Variants in PIK3C2A observed in about 807,000 individuals in gnomAD.
PIK3C2A encodes phosphatidylinositol 4-phosphate 3-kinase C2 domain-containing subunit alpha.
PIK3C2A carries 97 observed loss-of-function variants against 204.5 expected under a neutral mutation model. That is an observed-to-expected ratio of 0.47 (90% CI 0.40 to 0.56). The LOEUF (loss-of-function observed/expected upper bound fraction) is 0.56. Among genes scored for constraint, PIK3C2A ranks in the 20% least tolerant of loss-of-function variants. The probability of loss-of-function intolerance (pLI) is 0.00; values close to 1 mark genes in which losing one functional copy is unlikely to be tolerated. For synonymous variants in PIK3C2A, 653 were observed against 664.4 expected, an observed-to-expected ratio of 0.98 and a Z score of 0.26; for missense variants, 1,735 against 1,969.2, an observed-to-expected ratio of 0.88 and a Z score of 2.25.
At chr11:17,139,053 G>A (rs1476878829) in intron 8 of PIK3C2A, among the ~76,000 whole-genome samples, 1 of 151,164 alleles carries the variant, frequency 6.6e-6, no homozygotes, top group African/African-American at 2.4e-5. Flanking sequence ...GATTACAGGT[G>A]CCTGCCACCA....
At chr11:17,183,004 T>C (rs1284952001) in intron 1 of PIK3C2A, among the ~76,000 whole-genome samples, 4 of 152,162 alleles carry the variant, frequency 2.6e-5, no homozygotes, top group Admixed American at 6.6e-5. Flanking sequence ...TATACCTGGC[T>C]AAGTTTTGTA....
At chr11:17,190,324 T>A (rs996820880) in intron 1 of PIK3C2A, among the ~76,000 whole-genome samples, 9 of 151,868 alleles carry the variant, frequency 5.9e-5, no homozygotes, top group African/African-American at 2.2e-4. Flanking sequence ...ACACCTGTAA[T>A]CCCAGAACTC....
intron 6 of PIK3C2A, among the ~76,000 whole-genome samples, chr11:17,146,404 G>A (rs75572340): frequency 0.017 from 2,583 of 152,096 alleles, 31 homozygotes; most frequent in Non-Finnish European, 0.029. Flanking sequence ...TCTACATTAC[G>A]CAAATGTAGT....
intron 8 of PIK3C2A, chr11:17,138,277 C>CTA (rs1849940484): frequency 6.8e-6 from 5 of 731,958 alleles, no homozygotes; most frequent in Admixed American, 3.9e-5. Flanking sequence ...CTAGGAAAGC[C>CTA]TATGAGGATA....
At chr11:17,139,080 G>T (rs963524795) in intron 8 of PIK3C2A, among the ~76,000 whole-genome samples, 2 of 151,768 alleles carry the variant, frequency 1.3e-5, no homozygotes, top group African/African-American at 4.8e-5. Context: ...GCTAATTTTT[G>T]TATTTTTTTT....
At chr11:17,173,795 G>A (rs1199145934) in intron 1 of PIK3C2A, among the ~76,000 whole-genome samples, 1 of 152,044 alleles carries the variant, frequency 6.6e-6, no homozygotes, top group African/African-American at 2.4e-5. Flanking sequence ...CTGAACACGT[G>A]GGGTTTGTTT....
intron 1 of PIK3C2A, among the ~76,000 whole-genome samples, chr11:17,199,197 A>G (rs1048165621): frequency 2.0e-5 from 3 of 152,196 alleles, no homozygotes; most frequent in African/African-American, 7.2e-5. Flanking sequence ...ACCTACTAGA[A>G]TGGCTATAAC....
chr11:17,102,615 G>A lies in PIK3C2A; in HGVS notation c.3851+47C>T, dbSNP rs1373477005. On this transcript the variant is annotated intron_variant, in intron 24 of 32. Coordinates refer to ENST00000691414, the MANE Select transcript of PIK3C2A (RefSeq NM_002645.4). ...AAGCTTGAGACAAACTTTAATTTGT[G>A]AAACAGGAAGTGCCTCATTTCTTTG... is the stretch of plus-strand genomic sequence containing the variant. 3 of 1,466,128 alleles carry A rather than the reference G, an allele frequency of 2.0e-6. No individual in the cohort carries two copies. The East Asian group carries it at 6.9e-5, about 34-fold the overall frequency. The allele number at this position is 1,466,128 out of a possible 1,614,324, so 90.8% of individuals were successfully genotyped here.
Position 17,132,048 on chromosome 11 carries a change from G to A in PIK3C2A, c.2109-10C>T, listed in dbSNP as rs202152343. On this transcript the variant is annotated splice_polypyrimidine_tract_variant and intron_variant, in intron 11 of 32. Transcript: ENST00000691414. ...GTAGTATTTTTCATAACTGAGAAAA[G>A]AAAGTTTAACTTGATTTCTATCATG... The A allele has an allele frequency of 4.1e-6, 6 of 1,460,546 alleles. No homozygotes were observed. The East Asian group carries it at 6.9e-5, about 17-fold the overall frequency. The allele number at this position is 1,460,546 out of a possible 1,614,324, so 90.5% of individuals were successfully genotyped here.
intron 1 of PIK3C2A, among the ~76,000 whole-genome samples, chr11:17,195,865 C>T (rs1370889510): frequency 2.0e-5 from 3 of 152,018 alleles, no homozygotes; most frequent in East Asian, 1.9e-4. Context: ...TGGTGAAACC[C>T]CATCTTGAAT....
intron 1 of PIK3C2A, among the ~76,000 whole-genome samples, chr11:17,199,378 T>C (rs1231259543): frequency 6.6e-6 from 1 of 152,132 alleles, no homozygotes; most frequent in Non-Finnish European, 1.5e-5. Flanking sequence ...CTCCTAGATA[T>C]ATACCCAAAA....
Position 17,169,630 on chromosome 11 carries a change from C to A in PIK3C2A, c.112G>T (p.Ala38Ser), listed in dbSNP as rs764191526. 5.6e-6 allele frequency: 9 copies of A among 1,613,794 alleles called. No homozygotes were observed. The South Asian group carries it at 9.9e-5, about 18-fold the overall frequency. Reference sequence around the variant, plus strand: ...CTATCCTTTTGCAGTTTTGCTAAAGCCTCTGCTTCCATCTGTAATGCTTCT... The same window carrying A: ...CTATCCTTTTGCAGTTTTGCTAAAGACTCTGCTTCCATCTGTAATGCTTCT... Reference protein sequence around the residue: ...KEEALQMEAEALAKLQKDRQV... With the variant: ...KEEALQMEAESLAKLQKDRQV... The change falls in exon 2 of 33, where the codon GCT becomes TCT. Residue 38 changes from alanine to serine, a missense_variant. Physicochemically the swap from Ala to Ser is moderately conservative, Grantham distance 99. Transcript: ENST00000691414.
Position 17,169,154 on chromosome 11 carries a change from G to A in PIK3C2A, c.588C>T (p.Phe196=). 6.2e-7 allele frequency: 1 copy of A among 1,614,012 alleles called. No homozygotes were observed. Among genetic ancestry groups the A allele is most frequent in the Admixed American group, 1.7e-5 (1 of 60,008 alleles). Residue 196 remains phenylalanine (F), a synonymous_variant, in exon 2 of 33, where the codon TTC becomes TTT. Coordinates refer to ENST00000691414, the MANE Select transcript of PIK3C2A (RefSeq NM_002645.4). The part of the protein sequence containing the change: ...YLSLPGQSPY[F]SYPLTPATPF... ...GTGTGGCAGGTGTCAAAGGATATGA[G>A]AAATATGGAGATTGTCCCGGAAGAC...
In PIK3C2A at chr11:17,087,219, TGTTA is replaced by T. The variant is rs764905952; in HGVS notation, c.*2515_*2518del. The T allele has an allele frequency of 2.0e-5, 3 of 152,340 alleles. No homozygotes were observed. Among genetic ancestry groups the T allele is most frequent in the Admixed American group, 1.3e-4 (2 of 15,296 alleles). The allele number at this position is 152,340 out of a possible 1,614,324, so 9.4% of individuals were successfully genotyped here. A position where few individuals can be genotyped will look rare whatever the true frequency, so the allele number is the denominator to read the frequency against. On this transcript the variant is annotated 3_prime_UTR_variant, in exon 33 of 33. Coordinates refer to ENST00000691414, the MANE Select transcript of PIK3C2A (RefSeq NM_002645.4). ...ATAAAAATTAGTGTCTTGGCCAGTTTGTTAAACTTTTTTTAGATTTACTTTAATG... is the reference window on the plus strand; with the variant it reads ...ATAAAAATTAGTGTCTTGGCCAGTTTAACTTTTTTTAGATTTACTTTAATG...
intron 19 of PIK3C2A, among the ~76,000 whole-genome samples, chr11:17,116,743 C>T (rs1225439500): frequency 1.3e-5 from 2 of 152,068 alleles, no homozygotes; most frequent in Non-Finnish European, 2.9e-5. Context: ...GCGCCCGCCA[C>T]CATGCCTGGC....
intron 1 of PIK3C2A, among the ~76,000 whole-genome samples, chr11:17,174,854 G>T (rs1357764537): frequency 6.6e-6 from 1 of 151,862 alleles, no homozygotes; most frequent in Non-Finnish European, 1.5e-5. Flanking sequence ...GTGAGCCAAG[G>T]TCACCATTGC....
intron 3 of PIK3C2A, 115 bp from the exon 4 acceptor site, chr11:17,150,770 G>T: frequency 1.7e-6 from 1 of 589,698 alleles, no homozygotes; most frequent in Middle Eastern, 4.5e-4. Flanking sequence ...TCCAACTCAA[G>T]CAGCTCATGA....
intron 15 of PIK3C2A, 48 bp from the exon 16 acceptor site, chr11:17,120,022 TATA>T (rs745759261): frequency 1.3e-6 from 1 of 772,020 alleles, no homozygotes; most frequent in Admixed American, 3.1e-5. Flanking sequence ...AACATAATGA[TATA>T]ATCTCAATGA....
intron 1 of PIK3C2A, among the ~76,000 whole-genome samples, chr11:17,205,864 TAA>T (rs1271825208): frequency 1.3e-5 from 2 of 152,248 alleles, no homozygotes; most frequent in Non-Finnish European, 2.9e-5. Context: ...CTCAAGTCTT[TAA>T]TCCCAGCACT....
Sources: gnomAD v4.1 joint callset for allele counts (sites outside exome capture counted in the v4.1 genomes callset) on GRCh38, gnomAD v4.1.1 for gene constraint, MANE v1.5 for transcripts, NCBI Gene and HGNC (gene_info 2026-07-23, HGNC 2026-07-21) for gene names.